CYP7B1: variants seen among roughly 807,000 people sequenced by gnomAD.
CYP7B1 encodes the protein cytochrome P450 7B1.
In CYP7B1, 29 loss-of-function variants were observed where a neutral mutation model predicts 42.7. The ratio of observed to expected loss-of-function variants is 0.68; its 90% CI spans 0.51 to 0.93. The LOEUF (loss-of-function observed/expected upper bound fraction) is 0.93, where lower values mean the gene tolerates loss of function less well. CYP7B1 is among the 40% of genes least tolerant of loss of function. The pLI is 0.00. For synonymous variants in CYP7B1, 235 were observed against 218.2 expected (o/e 1.08, Z -0.68); for missense variants, 655 against 600.5 (o/e 1.09, Z -0.95).
chr8:64,689,016 ATTTCTTTCCTAGTGT>A (rs1271013526), intron 1 of CYP7B1, among the ~76,000 whole-genome samples: 1 of 152,172 alleles, frequency 6.6e-6, no homozygotes, highest in Non-Finnish European at 1.5e-5. Context: ...ATATCCTTCC[ATTTCTTTCCTAGTGT>A]TTAAATTAGC....
At chr8:64,760,534 G>C (rs780659254) in intron 1 of CYP7B1, among the ~76,000 whole-genome samples, 1 of 152,076 alleles carries the variant, frequency 6.6e-6, no homozygotes, top group Non-Finnish European at 1.5e-5. Flanking sequence ...ATTAAAAATT[G>C]GGCAAAGGAC....
At chr8:64,634,300 T>C (rs1324537378) in intron 1 of CYP7B1, among the ~76,000 whole-genome samples, 1 of 152,140 alleles carries the variant, frequency 6.6e-6, no homozygotes, top group African/African-American at 2.4e-5. Flanking sequence ...CTGGGTGTGG[T>C]GGCTCACACC....
intron 1 of CYP7B1, among the ~76,000 whole-genome samples, chr8:64,763,512 C>T (rs7826214): frequency 0.27 from 40,960 of 152,230 alleles, 6,799 homozygotes; most frequent in African/African-American, 0.47. Flanking sequence ...TATCCGACCA[C>T]TTTCGCTTGC....
rs1354170113 is a variant in CYP7B1 at position 64,595,066 on chromosome 8, T to G, written c.*1576A>C. Among the ~76,000 whole-genome samples, 1 of 152,158 alleles carries G rather than the reference T, an allele frequency of 6.6e-6. No individual in the cohort carries two copies. Among genetic ancestry groups the G allele is most frequent in the Non-Finnish European group, 1.5e-5 (1 of 68,014 alleles). ...AACTCACTAACGGCTATCCGCCCAA[T>G]AACAACAATGGATACCTTAAGAACG... On this transcript the variant is annotated 3_prime_UTR_variant, in exon 6 of 6. Coordinates refer to ENST00000310193, the MANE Select transcript of CYP7B1 (RefSeq NM_004820.5).
At chr8:64,738,548 G>A (rs907295218) in intron 1 of CYP7B1, among the ~76,000 whole-genome samples, 7 of 148,378 alleles carry the variant, frequency 4.7e-5, no homozygotes, top group South Asian at 2.1e-4. Flanking sequence ...ACACACACAC[G>A]CACACACACA....
intron 1 of CYP7B1, among the ~76,000 whole-genome samples, chr8:64,675,188 G>A (rs1309242755): frequency 1.3e-5 from 2 of 152,042 alleles, no homozygotes; most frequent in African/African-American, 4.8e-5. Flanking sequence ...TGTGCAAAAG[G>A]TGTAAATTCA....
chr8:64,637,167 G>GA (rs1805786166), intron 1 of CYP7B1, among the ~76,000 whole-genome samples: 1 of 152,064 alleles, frequency 6.6e-6, no homozygotes, highest in Admixed American at 6.6e-5. Context: ...TGTCAATGGA[G>GA]AAACAAAGTT....
At chr8:64,589,938 TCAA>T (rs1379156439), downstream of CYP7B1, 1 of 152,172 alleles carries the variant, frequency 6.6e-6, no homozygotes, top group East Asian at 1.9e-4. Context: ...ATAAAAGTAA[TCAA>T]CAGTAAATAA....
intron 1 of CYP7B1, among the ~76,000 whole-genome samples, chr8:64,676,051 C>T (rs1223212555): frequency 6.6e-6 from 1 of 152,130 alleles, no homozygotes; most frequent in East Asian, 1.9e-4. Context: ...GTGTTCTAAG[C>T]ATCGACAGAA....
chr8:64,702,900 T>C (rs936032158), intron 1 of CYP7B1, among the ~76,000 whole-genome samples: 1 of 152,100 alleles, frequency 6.6e-6, no homozygotes, highest in Non-Finnish European at 1.5e-5. Context: ...TTCATTCTAA[T>C]CTCTGTTCCA....
chr8:64,606,323 A>G (rs919442267), intron 4 of CYP7B1, among the ~76,000 whole-genome samples: 8 of 152,230 alleles, frequency 5.3e-5, no homozygotes, highest in African/African-American at 1.7e-4. Flanking sequence ...AAGGACCAAC[A>G]TTTCTGTGGT....
downstream of CYP7B1, among the ~76,000 whole-genome samples, chr8:64,589,310 G>T (rs73689547): frequency 1.2e-3 from 186 of 152,252 alleles, no homozygotes; most frequent in African/African-American, 4.2e-3. Flanking sequence ...TTTAGTCCGA[G>T]TACCTCCTTC....
chr8:64,626,540 C>T (rs530629057), intron 1 of CYP7B1, among the ~76,000 whole-genome samples: 4 of 152,158 alleles, frequency 2.6e-5, no homozygotes, highest in Non-Finnish European at 4.4e-5. Context: ...ATGATTGAGA[C>T]GATTTGTTAA....
At chr8:64,767,529 C>T (rs1360858975) in intron 1 of CYP7B1, among the ~76,000 whole-genome samples, 1 of 152,112 alleles carries the variant, frequency 6.6e-6, no homozygotes, top group Non-Finnish European at 1.5e-5. Context: ...TGGCTAGCCC[C>T]GAAGAAGGAA....
chr8:64,590,047 C>T (rs1378069112), downstream of CYP7B1, among the ~76,000 whole-genome samples: 1 of 152,180 alleles, frequency 6.6e-6, no homozygotes, highest in Non-Finnish European at 1.5e-5. Context: ...AGAAAATACA[C>T]ATTATTATTC....
intron 1 of CYP7B1, among the ~76,000 whole-genome samples, chr8:64,653,734 G>A (rs1478366053): frequency 1.8e-4 from 27 of 152,136 alleles, no homozygotes; most frequent in Admixed American, 1.7e-3. Flanking sequence ...GATGAACATC[G>A]ATGCAAAAAT....
intron 2 of CYP7B1, among the ~76,000 whole-genome samples, 199 bp downstream of exon 2, chr8:64,624,204 C>A (rs558269902): frequency 2.6e-5 from 4 of 151,582 alleles, no homozygotes; most frequent in Non-Finnish European, 5.9e-5. Flanking sequence ...CCCTAAGTAC[C>A]ATGAAGAGAG....
chr8:64,792,412 C>G (rs1020074571), intron 1 of CYP7B1, among the ~76,000 whole-genome samples: 2 of 152,140 alleles, frequency 1.3e-5, no homozygotes, highest in African/African-American at 4.8e-5. Flanking sequence ...TGCGAGGAAA[C>G]AGTGCTCTGC....
chr8:64,651,897 C>T (rs559691656), intron 1 of CYP7B1, among the ~76,000 whole-genome samples: 91 of 152,242 alleles, frequency 6.0e-4, no homozygotes, highest in African/African-American at 2.2e-3. Flanking sequence ...AAGACAGCTC[C>T]CTTTTCTGCA....
Sources: allele counts gnomAD v4.1 joint callset (sites outside exome capture counted in the v4.1 genomes callset), GRCh38; gene constraint gnomAD v4.1.1; transcripts MANE v1.5; gene names NCBI Gene and HGNC (gene_info 2026-07-23, HGNC 2026-07-21).